NT5DC2: variants seen among roughly 807,000 people sequenced by gnomAD.
The protein encoded by NT5DC2 is 5'-nucleotidase domain containing 2.
In NT5DC2, 41 loss-of-function variants were observed where a neutral mutation model predicts 70.0. The ratio of observed to expected loss-of-function variants is 0.59; its 90% CI spans 0.46 to 0.76. The LOEUF (loss-of-function observed/expected upper bound fraction) is 0.76, where lower values mean the gene tolerates loss of function less well. NT5DC2 is among the 30% of genes least tolerant of loss of function. The probability of loss-of-function intolerance (pLI) is 0.00; values close to 1 mark genes in which losing one functional copy is unlikely to be tolerated. For synonymous variants in NT5DC2, 299 were observed against 310.4 expected, an observed-to-expected ratio of 0.96 and a Z score of 0.39; for missense variants, 705 against 783.2, an observed-to-expected ratio of 0.90 and a Z score of 1.19.
chr3:52,533,382 G>C lies in NT5DC2; in HGVS notation c.232+124C>G, dbSNP rs1397469338. On this transcript the variant is annotated intron_variant, in intron 1 of 13. Transcript: ENST00000422318. ...TCTCGCGAAAAGCCGCCCGGCCCTT[G>C]CGCTCCGGGGCCCTGGCGAGCCCCA... is the stretch of plus-strand genomic sequence containing the variant. The C allele has an allele frequency of 3.7e-6, 4 of 1,072,428 alleles. No homozygotes were observed. The Admixed American group carries it at 1.0e-4, about 27-fold the overall frequency. The allele number at this position is 1,072,428 out of a possible 1,614,324, so 66.4% of individuals were successfully genotyped here.
chr3:52,527,915 T>A lies in NT5DC2; in HGVS notation c.849A>T (p.Arg283Ser). ...IEQDMEKYIL[R>S]GDETFAVLSR... ...TCAGGACAGCAAACGTCTCATCCCC[T>A]CTCAGGATGTACTTCTCTAATGGGG... Residue 283 changes from arginine (R) to serine (S), a missense_variant, in exon 8 of 14, where the codon AGA becomes AGT. Coordinates refer to ENST00000422318, the MANE Select transcript of NT5DC2 (RefSeq NM_001134231.2). 1 of 1,613,536 alleles carries A rather than the reference T, an allele frequency of 6.2e-7. No homozygotes were observed. Among genetic ancestry groups the A allele is most frequent in the East Asian group, 2.2e-5 (1 of 44,878 alleles).
chr3:52,530,623 G>A (rs1392716868), intron 1 of NT5DC2, among the ~76,000 whole-genome samples: 1 of 152,144 alleles, frequency 6.6e-6, no homozygotes, highest in East Asian at 1.9e-4. Flanking sequence ...GCTGAGGCGA[G>A]AGGATTGCTT....
Position 52,529,088 on chromosome 3 carries a change from C to T in NT5DC2, c.417+62G>A. On this transcript the variant is annotated intron_variant, in intron 2 of 13. Coordinates refer to ENST00000422318, the MANE Select transcript of NT5DC2 (RefSeq NM_001134231.2). The surrounding 1 kb of genome is among the most constrained non-coding windows in gnomAD (Gnocchi z 4.1). ...CCACGACTCAGCCCTGAGCTTAGGC[C>T]AAGGTGGGTCTGGCCAGCCTCCAAG... is the stretch of plus-strand genomic sequence containing the variant. 2 of 1,606,812 alleles carry T rather than the reference C, an allele frequency of 1.2e-6. No homozygotes were observed. Among genetic ancestry groups the T allele is most frequent in the Non-Finnish European group, 1.7e-6 (2 of 1,174,592 alleles).
At chr3:52,528,140 C>T in intron 6 of NT5DC2, 43 bp downstream of exon 6, 1 of 1,612,984 alleles carries the variant, frequency 6.2e-7, no homozygotes, top group Non-Finnish European at 8.5e-7. Context: ...TGTGGCTGGA[C>T]TTAGTCTTTC....
upstream of NT5DC2, chr3:52,534,943 G>T: frequency 2.5e-6 from 1 of 399,924 alleles, no homozygotes; most frequent in Non-Finnish European, 4.5e-6. Context: ...GTGAGCAAGT[G>T]GGTGTGCTGG....
chr3:52,526,588 G>C (rs2153234862), intron 10 of NT5DC2: 1 of 152,428 alleles, frequency 6.6e-6, no homozygotes. Context: ...CCCCCAACCA[G>C]ACTTGTTCTG....
In NT5DC2 at chr3:52,531,342, G is replaced by C. The variant is rs557729691; in HGVS notation, c.233-2008C>G. Among the ~76,000 whole-genome samples the C allele has an allele frequency of 2.6e-4, 40 of 152,272 alleles. No individual in the cohort carries two copies. The highest frequency in any genetic ancestry group is 5.2e-4 in the Admixed American group (8 of 15,300). On this transcript the variant is annotated intron_variant, in intron 1 of 13. Coordinates refer to ENST00000422318, the MANE Select transcript of NT5DC2 (RefSeq NM_001134231.2). This position sits in a 1 kb window ranked among gnomAD's most constrained non-coding sequence, Gnocchi z 4.1. ...TTCTGAGCCACCCCTCAAGGCCCAG[G>C]GTTCTGGTGTGTCACTAGGACCCTG...
chr3:52,532,325 G>T (rs1019339120), intron 1 of NT5DC2: 15 of 985,294 alleles, frequency 1.5e-5, no homozygotes, highest in African/African-American at 1.7e-5. Flanking sequence ...TACTCTGAGG[G>T]TCTTCTCCGG....
rs1028280342 is a variant in NT5DC2, at chr3:52,533,747, G to A, written c.-10C>T. 5 of 972,466 alleles carry A rather than the reference G, an allele frequency of 5.1e-6. No individual in the cohort carries two copies. The African/African-American group carries it at 7.2e-5, about 14-fold the overall frequency. The allele number at this position is 972,466 out of a possible 1,614,324, so 60.2% of individuals were successfully genotyped here. A position where few individuals can be genotyped will look rare whatever the true frequency, so the allele number is the denominator to read the frequency against. On this transcript the variant is annotated 5_prime_UTR_variant, in exon 1 of 14. Transcript: ENST00000422318. ...GCCCCGCACCCGCCATGCCCACCGC[G>A]CGCCGCCCGCCGCCCGCGCTGCCCT...
rs746239315 is a variant in NT5DC2 at position 52,525,089 on chromosome 3, C to T, written c.1221G>A (p.Arg407=). The T allele has an allele frequency of 3.4e-6, 5 of 1,460,066 alleles. No individual in the cohort carries two copies. The allele number at this position is 1,460,066 out of a possible 1,614,324, so 90.4% of individuals were successfully genotyped here. ...LYSDLADLML[R]HGWRTGAIIP... is the part of the protein sequence containing the mutation. The stretch of plus-strand genomic sequence containing the variant: ...TGATGGCGCCTGTGCGCCAGCCGTG[C>T]CGCAGCATGAGATCCTGGTGGGTGG... Residue 407 remains arginine, a synonymous_variant, in exon 12 of 14, where the codon CGG becomes CGA. Transcript: ENST00000422318.
At position 52,527,149 on chromosome 3, in the gene NT5DC2, C is replaced by T. The variant is rs2079286279; in HGVS notation, c.1119+145G>A. The T allele has an allele frequency of 5.5e-6, 4 of 723,216 alleles. No homozygotes were observed. The East Asian group carries it at 1.0e-4, about 19-fold the overall frequency. 44.8% of individuals were successfully genotyped at this position (723,216 alleles called of 1,614,324 possible). A position where few individuals can be genotyped will look rare whatever the true frequency, so the allele number is the denominator to read the frequency against. On this transcript the variant is annotated intron_variant, in intron 10 of 13. Transcript: ENST00000422318. ...GTCAAGCTCTCGAGGCCACCCAGAC[C>T]TGCTCCCTGCCAGCCATTGCCTGTG...
chr3:52,533,773 C>A lies in NT5DC2; in HGVS notation c.-36G>T. 1.0e-6 allele frequency: 1 copy of A among 965,500 alleles called. No individual in the cohort carries two copies. The highest frequency in any genetic ancestry group is 1.2e-6 in the Non-Finnish European group (1 of 820,144). 59.8% of individuals were successfully genotyped at this position (965,500 alleles called of 1,614,324 possible). A position where few individuals can be genotyped will look rare whatever the true frequency, so the allele number is the denominator to read the frequency against. ...CGCCGCCCGCCGCCCGCGCTGCCCT[C>A]GGCCAGCCCGCCGCCCGCCGCCCGC... On this transcript the variant is annotated 5_prime_UTR_variant, in exon 1 of 14. Transcript: ENST00000422318.
At chr3:52,525,591 G>A (rs943396981) in intron 10 of NT5DC2, 1 of 388,464 alleles carries the variant, frequency 2.6e-6, no homozygotes, top group African/African-American at 2.1e-5. Context: ...CTGTTTGTAA[G>A]GTAGAAACTG....
Position 52,528,026 on chromosome 3 carries a change from G to C in NT5DC2, c.819C>G (p.Ile273Met). 6.2e-7 allele frequency: 1 copy of C among 1,611,968 alleles called. No homozygotes were observed. Among genetic ancestry groups the C allele is most frequent in the Admixed American group, 1.7e-5 (1 of 59,848 alleles). ...VHVKGLMYQWIEQDMEKYILR... is the reference protein window; with the variant it reads ...VHVKGLMYQWMEQDMEKYILR... Reference sequence around the variant, plus strand: ...GTCCACACTTACCCATGTCCTGCTCGATCCACTGGTACATGAGGCCCTTCA... The same window carrying C: ...GTCCACACTTACCCATGTCCTGCTCCATCCACTGGTACATGAGGCCCTTCA... Residue 273 changes from isoleucine to methionine, a missense_variant, in exon 7 of 14, where the codon ATC (isoleucine) becomes ATG (methionine). Ile to Met is a conservative substitution (Grantham distance 10). Transcript: ENST00000422318.
chr3:52,525,499 C>T (rs940735149), intron 10 of NT5DC2: 23 of 594,588 alleles, frequency 3.9e-5, no homozygotes, highest in Middle Eastern at 9.0e-4. Context: ...AGGAAGGTGC[C>T]CTACAGGCCT....
At chr3:52,534,472 G>C, upstream of NT5DC2, 1 of 1,610,728 alleles carries the variant, frequency 6.2e-7, no homozygotes. Flanking sequence ...TGCGCTGCAG[G>C]GTTGTGGGCC....
At position 52,528,728 on chromosome 3, in the gene NT5DC2, A is replaced by T. The variant is rs373626819; in HGVS notation, c.493-36T>A. The T allele has an allele frequency of 6.5e-4, 1,043 of 1,608,282 alleles. 1 individual carries two copies. Among genetic ancestry groups the T allele is most frequent in the Middle Eastern group, 4.0e-3 (24 of 5,988 alleles). On this transcript the variant is annotated intron_variant, in intron 3 of 13. Transcript: ENST00000422318. ...CAGGGAGGCAGGACGGATGGTGAGG[A>T]GGCAGTTTCACCGTGGCCCCAAGCC...
chr3:52,528,763 C>T (rs1394609799), intron 3 of NT5DC2, 71 bp from the exon 4 acceptor site: 1 of 1,604,640 alleles, frequency 6.2e-7, no homozygotes, highest in African/African-American at 1.3e-5. Context: ...CAGCCTCTTT[C>T]AGCCCATGCC....
Position 52,527,999 on chromosome 3 carries a change from C to T in NT5DC2, c.832+14G>A, listed in dbSNP as rs1375648288. 3 of 1,612,814 alleles carry T rather than the reference C, an allele frequency of 1.9e-6. No homozygotes were observed. The highest frequency in any genetic ancestry group is 2.5e-6 in the Non-Finnish European group (3 of 1,179,730). ...GCTCAGGCCGGCCACGGCAGGGCTT[C>T]TGTCCACACTTACCCATGTCCTGCT... On this transcript the variant is annotated intron_variant, in intron 7 of 13. Transcript: ENST00000422318.
Sources: allele counts gnomAD v4.1 joint callset (sites outside exome capture counted in the v4.1 genomes callset), GRCh38; gene constraint gnomAD v4.1.1; non-coding constraint Gnocchi (gnomAD v3.1); transcripts MANE v1.5; gene names NCBI Gene and HGNC (gene_info 2026-07-23, HGNC 2026-07-21).